DLGAP2: variants seen among roughly 807,000 people sequenced by gnomAD.
DLGAP2 encodes DLG associated protein 2, also known as disks large-associated protein 2.
In DLGAP2, 26 loss-of-function variants were observed where a neutral mutation model predicts 100.3. That is an observed-to-expected ratio of 0.26 (90% CI 0.19 to 0.36). The LOEUF is 0.36. Ranked by LOEUF, DLGAP2 falls within the 10% of genes least tolerant of loss-of-function variation. DLGAP2 has a pLI of 1.00. For missense variants in DLGAP2, 1,858 were observed against 1,453.2 expected, an observed-to-expected ratio of 1.28 and a Z score of -4.53; for synonymous variants, 886 against 630.1, an observed-to-expected ratio of 1.41 and a Z score of -6.08.
In DLGAP2 at chr8:1,701,533, C is replaced by G. The variant is rs1162915969; in HGVS notation, c.*127C>G. The stretch of plus-strand genomic sequence containing the variant: ...CGTCCTCGCTCCCGCGCTCCCCGCG[C>G]CCCGGACACAGCGGGACGCGGCCGG... On this transcript the variant is annotated 3_prime_UTR_variant, in exon 15 of 15. Coordinates refer to ENST00000637795, the MANE Select transcript of DLGAP2 (RefSeq NM_001346810.2). 2 of 1,057,928 alleles carry G rather than the reference C, an allele frequency of 1.9e-6. No individual in the cohort carries two copies. The highest frequency in any genetic ancestry group is 1.7e-5 in the South Asian group (1 of 60,052). The allele number at this position is 1,057,928 out of a possible 1,614,324, so 65.5% of individuals were successfully genotyped here.
intron 3 of DLGAP2, among the ~76,000 whole-genome samples, chr8:1,477,134 C>T (rs1798957205): frequency 6.6e-6 from 1 of 150,848 alleles, no homozygotes. Context: ...GGGCTTGACC[C>T]ACCTGCTGGG....
rs10665994 is a variant in DLGAP2, at chr8:1,017,590, C to CTG, written c.73+109631_73+109632dup. Among the ~76,000 whole-genome samples the CTG allele has an allele frequency of 7.5e-4, 95 of 126,392 alleles. 2 individuals carry two copies. Among genetic ancestry groups the CTG allele is most frequent in the African/African-American group, 2.2e-3 (73 of 32,506 alleles). The allele number at this position is 126,392 out of a possible 152,430, so 82.9% of individuals were successfully genotyped here. ...GTGACCAGGACAGACGACGCCTCCA[C>CTG]TGTGTGTGACCAGGACAGACGGCGC... On this transcript the variant is annotated intron_variant, in intron 2 of 14. Coordinates refer to ENST00000637795, the MANE Select transcript of DLGAP2 (RefSeq NM_001346810.2).
intron 1 of DLGAP2, among the ~76,000 whole-genome samples, chr8:836,823 C>T (rs1796886453): frequency 6.6e-6 from 1 of 152,222 alleles, no homozygotes; most frequent in East Asian, 1.9e-4. Context: ...TTTCCCTCAT[C>T]ACTTTACCGA....
intron 10 of DLGAP2, among the ~76,000 whole-genome samples, chr8:1,670,705 C>T (rs976526584): frequency 1.3e-5 from 2 of 152,186 alleles, no homozygotes; most frequent in Non-Finnish European, 2.9e-5. Context: ...AAACGCACAA[C>T]ATCCTGTGTG....
intron 6 of DLGAP2, among the ~76,000 whole-genome samples, chr8:1,599,605 G>T (rs551292861): frequency 3.9e-5 from 6 of 152,030 alleles, no homozygotes; most frequent in African/African-American, 1.4e-4. Flanking sequence ...TTCTTGTTGC[G>T]TTGATCCCTT....
intron 13 of DLGAP2, among the ~76,000 whole-genome samples, chr8:1,692,628 A>G (rs1799282306): frequency 6.6e-6 from 1 of 152,200 alleles, no homozygotes; most frequent in African/African-American, 2.4e-5. Flanking sequence ...ATTACGTCTA[A>G]TGTCACAAAT....
At chr8:969,681 C>T (rs780943366) in intron 2 of DLGAP2, among the ~76,000 whole-genome samples, 2 of 152,132 alleles carry the variant, frequency 1.3e-5, no homozygotes, top group African/African-American at 2.4e-5. Flanking sequence ...AGGTGCAGTT[C>T]ATGCTATGCT....
At chr8:1,476,201 GC>G (rs1285767051) in intron 3 of DLGAP2, among the ~76,000 whole-genome samples, 1 of 152,162 alleles carries the variant, frequency 6.6e-6, no homozygotes, top group East Asian at 1.9e-4. Flanking sequence ...TGGATGCGTG[GC>G]TCGTCCTGGT....
At chr8:1,145,273 C>G (rs970660643) in intron 2 of DLGAP2, among the ~76,000 whole-genome samples, 1 of 152,172 alleles carries the variant, frequency 6.6e-6, no homozygotes, top group Non-Finnish European at 1.5e-5. Flanking sequence ...CAACTCCCAC[C>G]CACCCACCAT....
intron 1 of DLGAP2, among the ~76,000 whole-genome samples, chr8:847,141 C>G (rs563100530): frequency 2.0e-5 from 3 of 152,312 alleles, no homozygotes; most frequent in South Asian, 2.1e-4. Flanking sequence ...TTTTAAACCA[C>G]TGATTCAATA....
intron 1 of DLGAP2, among the ~76,000 whole-genome samples, chr8:766,830 G>T (rs945677290): frequency 2.0e-5 from 3 of 152,142 alleles, no homozygotes; most frequent in Non-Finnish European, 4.4e-5. Flanking sequence ...GGCCAAAAGT[G>T]GTCTAAGAGC....
intron 4 of DLGAP2, among the ~76,000 whole-genome samples, chr8:1,540,583 G>T (rs532248392): frequency 2.6e-5 from 4 of 152,166 alleles, no homozygotes; most frequent in African/African-American, 7.2e-5. Flanking sequence ...ACTTCCTGCC[G>T]GGCTGGGCGC....
In DLGAP2 at chr8:1,706,375, G is replaced by C. The variant is rs1388656161; in HGVS notation, c.*4969G>C. 1 of 152,228 alleles carries C rather than the reference G, an allele frequency of 6.6e-6. No homozygotes were observed. The highest frequency in any genetic ancestry group is 1.5e-5 in the Non-Finnish European group (1 of 68,046). 9.4% of individuals were successfully genotyped at this position (152,228 alleles called of 1,614,324 possible). A position where few individuals can be genotyped will look rare whatever the true frequency, so the allele number is the denominator to read the frequency against. ...AAAGTCCTTTGAGCTCCTGGGAACA[G>C]GTGGTGAAAGTGTGCGTTACTGCTA... On this transcript the variant is annotated 3_prime_UTR_variant, in exon 15 of 15. Transcript: ENST00000637795.
At chr8:873,292 A>C (rs1221401454) in intron 1 of DLGAP2, among the ~76,000 whole-genome samples, 1 of 152,308 alleles carries the variant, frequency 6.6e-6, no homozygotes, top group Admixed American at 6.5e-5. Context: ...AGGTAGTTTT[A>C]TGATTTCTTA....
chr8:1,487,299 A>G (rs1317454880), intron 3 of DLGAP2, among the ~76,000 whole-genome samples: 2 of 152,224 alleles, frequency 1.3e-5, no homozygotes, highest in Non-Finnish European at 2.9e-5. Flanking sequence ...GCCTGGGGAT[A>G]TAGATCAAAA....
At chr8:1,179,433 C>T (rs560757512) in intron 2 of DLGAP2, among the ~76,000 whole-genome samples, 26 of 152,366 alleles carry the variant, frequency 1.7e-4, no homozygotes, top group Admixed American at 9.1e-4. Flanking sequence ...TGGGAAGGCT[C>T]AGCTCCCTGC....
At position 1,181,380 on chromosome 8, in the gene DLGAP2, G is replaced by A. The variant is rs1346730187; in HGVS notation, c.74-77471G>A. Among the ~76,000 whole-genome samples the A allele has an allele frequency of 3.9e-5, 6 of 152,348 alleles. No homozygotes were observed. In the East Asian group the frequency reaches 1.2e-3, roughly 29 times the overall value. On this transcript the variant is annotated intron_variant, in intron 2 of 14. Coordinates refer to ENST00000637795, the MANE Select transcript of DLGAP2 (RefSeq NM_001346810.2). Reference sequence around the variant, plus strand: ...TGGGAAGAGTGTTTTCTGTCCCTGTGTTAGATTGCTAAGGATAATGGCCTC... The same window carrying A: ...TGGGAAGAGTGTTTTCTGTCCCTGTATTAGATTGCTAAGGATAATGGCCTC...
At chr8:1,460,157 C>T (rs566848988) in intron 3 of DLGAP2, among the ~76,000 whole-genome samples, 2 of 152,290 alleles carry the variant, frequency 1.3e-5, no homozygotes, top group African/African-American at 4.8e-5. Context: ...CACCATGCTT[C>T]CTTTGAAACA....
chr8:836,985 C>G (rs1167368030), intron 1 of DLGAP2, among the ~76,000 whole-genome samples: 1 of 152,226 alleles, frequency 6.6e-6, no homozygotes, highest in Non-Finnish European at 1.5e-5. Context: ...AAACAATGTT[C>G]TTCTCTTACT....
Sources: allele counts gnomAD v4.1 joint callset (sites outside exome capture counted in the v4.1 genomes callset), GRCh38; gene constraint gnomAD v4.1.1; transcripts MANE v1.5; gene names NCBI Gene and HGNC (gene_info 2026-07-23, HGNC 2026-07-21).